The following IQGAP2 variants were observed in gnomAD, a reference collection of about 807,000 sequenced individuals.
IQGAP2 encodes the protein ras GTPase-activating-like protein IQGAP2.
In IQGAP2, 173 loss-of-function variants were observed where a neutral mutation model predicts 201.3. That is an observed-to-expected ratio of 0.86 (90% CI 0.76 to 0.98). IQGAP2 has a LOEUF of 0.98. Ranked by LOEUF, IQGAP2 falls within the 50% of genes least tolerant of loss-of-function variation. The pLI, the probability that IQGAP2 is intolerant of heterozygous loss-of-function variation, is 0.00. For missense variants in IQGAP2, 1,687 were observed against 1,864.8 expected, an observed-to-expected ratio of 0.90 and a Z score of 1.76; for synonymous variants, 675 against 673.9, an observed-to-expected ratio of 1.00 and a Z score of -0.03.
intron 28 of IQGAP2, among the ~76,000 whole-genome samples, chr5:76,678,460 T>C (rs1236293158): frequency 6.6e-6 from 1 of 152,122 alleles, no homozygotes; most frequent in African/African-American, 2.4e-5. Context: ...GGGGTTTGCA[T>C]TGTTTTCTTT....
intron 2 of IQGAP2, among the ~76,000 whole-genome samples, chr5:76,464,032 G>A (rs563968351): frequency 6.6e-6 from 1 of 152,052 alleles, no homozygotes; most frequent in Non-Finnish European, 1.5e-5. Flanking sequence ...ATTTTTAGTA[G>A]AGATGGAGTT....
intron 1 of IQGAP2, among the ~76,000 whole-genome samples, chr5:76,455,514 G>C (rs1412821503): frequency 6.6e-6 from 1 of 151,264 alleles, no homozygotes; most frequent in Admixed American, 6.6e-5. Flanking sequence ...GTAGATGTTT[G>C]TAAGTATGAA....
intron 28 of IQGAP2, among the ~76,000 whole-genome samples, chr5:76,678,227 C>G (rs1744996763): frequency 1.3e-5 from 2 of 152,126 alleles, no homozygotes; most frequent in South Asian, 2.1e-4. Context: ...TTCCATTGTT[C>G]TGGAAACCCC....
intron 2 of IQGAP2, among the ~76,000 whole-genome samples, chr5:76,545,941 A>G (rs371415721): frequency 1.1e-4 from 16 of 152,218 alleles, no homozygotes; most frequent in African/African-American, 3.6e-4. Context: ...CAGACATCTG[A>G]GTTTTTTATT....
intron 2 of IQGAP2, among the ~76,000 whole-genome samples, chr5:76,485,657 A>G (rs1316980408): frequency 1.3e-5 from 2 of 152,150 alleles, no homozygotes; most frequent in African/African-American, 4.8e-5. Flanking sequence ...CCATGTAGTC[A>G]TTGGAGAAGT....
At chr5:76,634,069 A>G (rs1019815481) in intron 15 of IQGAP2, among the ~76,000 whole-genome samples, 8 of 151,608 alleles carry the variant, frequency 5.3e-5, no homozygotes, top group Admixed American at 1.3e-4. Flanking sequence ...CTTGTATCCT[A>G]CAACCTTGCT....
intron 2 of IQGAP2, among the ~76,000 whole-genome samples, chr5:76,467,267 T>G (rs1196576140): frequency 6.6e-6 from 1 of 152,068 alleles, no homozygotes; most frequent in African/African-American, 2.4e-5. Flanking sequence ...AAAATAAAAA[T>G]AAAAGTAAAG....
intron 17 of IQGAP2, among the ~76,000 whole-genome samples, chr5:76,644,095 A>G (rs1213561279): frequency 6.6e-6 from 1 of 152,018 alleles, no homozygotes; most frequent in African/African-American, 2.4e-5. Context: ...CAGATTTCCC[A>G]GAGAGTAATA....
intron 5 of IQGAP2, 62 bp from the exon 6 acceptor site, chr5:76,588,844 A>G: frequency 1.0e-6 from 1 of 987,666 alleles, no homozygotes; most frequent in Non-Finnish European, 1.5e-6. Flanking sequence ...GAATTATGTA[A>G]TTTATAACAT....
chr5:76,408,673 A>G (rs1750928351), intron 1 of IQGAP2, among the ~76,000 whole-genome samples: 1 of 152,134 alleles, frequency 6.6e-6, no homozygotes, highest in South Asian at 2.1e-4. Flanking sequence ...AGGCAGGAGG[A>G]TCAAGATTTC....
chr5:76,628,164 C>G (rs1364968814), intron 14 of IQGAP2, among the ~76,000 whole-genome samples: 1 of 152,208 alleles, frequency 6.6e-6, no homozygotes, highest in South Asian at 2.1e-4. Context: ...ACCCCTCCCC[C>G]AAAGGGACCT....
At position 76,707,328 on chromosome 5, in the gene IQGAP2, T is replaced by C. The variant is rs1293030916; in HGVS notation, c.*15T>C. ...ATGGAAAGTGAAGTGCCTACAGAAA[T>C]TTCTTGGATTCTGTATCATCTGGAT... On this transcript the variant is annotated 3_prime_UTR_variant, in exon 36 of 36. Transcript: ENST00000274364. 8.9e-7 allele frequency: 1 copy of C among 1,123,436 alleles called. No homozygotes were observed. 69.6% of individuals were successfully genotyped at this position (1,123,436 alleles called of 1,614,324 possible).
At chr5:76,536,858 C>G (rs1403910209) in intron 2 of IQGAP2, among the ~76,000 whole-genome samples, 1 of 151,910 alleles carries the variant, frequency 6.6e-6, no homozygotes, top group East Asian at 1.9e-4. Context: ...AGAAACCGGA[C>G]AGAGCTTTGC....
intron 2 of IQGAP2, among the ~76,000 whole-genome samples, chr5:76,493,401 A>G (rs1459555518): frequency 2.0e-5 from 3 of 150,906 alleles, no homozygotes; most frequent in African/African-American, 7.3e-5. Flanking sequence ...GTGTGTCTCC[A>G]TGTCTGATTT....
At chr5:76,413,983 C>T (rs764944117) in intron 1 of IQGAP2, among the ~76,000 whole-genome samples, 2 of 152,156 alleles carry the variant, frequency 1.3e-5, no homozygotes, top group Non-Finnish European at 2.9e-5. Context: ...GCCTCACCGC[C>T]TCTACAAAGT....
intron 30 of IQGAP2, among the ~76,000 whole-genome samples, chr5:76,688,537 A>G (rs1302825438): frequency 6.6e-6 from 1 of 152,338 alleles, no homozygotes; most frequent in East Asian, 1.9e-4. Flanking sequence ...GTGCAAATGC[A>G]AAGTGTTCCA....
intron 2 of IQGAP2, among the ~76,000 whole-genome samples, chr5:76,511,354 G>A (rs1757947693): frequency 6.6e-6 from 1 of 152,124 alleles, no homozygotes; most frequent in African/African-American, 2.4e-5. Flanking sequence ...CTGTGATCAA[G>A]GACAAAAGGA....
Position 76,683,817 on chromosome 5 carries a change from A to G in IQGAP2, c.3805A>G (p.Thr1269Ala), listed in dbSNP as rs776006136. 5 of 1,613,716 alleles carry G rather than the reference A, an allele frequency of 3.1e-6. No homozygotes were observed. Among genetic ancestry groups the G allele is most frequent in the East Asian group, 4.5e-5 (2 of 44,856 alleles). ...VDPNDPNKAN[T>A]LSQLSKTEIS... ...CCCCAATGACCCTAACAAGGCAAAT[A>G]CACTAAGTCAGCTTTCAAAGACCGA... is the stretch of plus-strand genomic sequence containing the variant. The change falls in exon 30 of 36, where the codon ACA (threonine) becomes GCA (alanine). Residue 1269 changes from threonine to alanine, a missense_variant. Thr to Ala is a moderately conservative substitution (Grantham distance 58, BLOSUM62 0). Coordinates refer to ENST00000274364, the MANE Select transcript of IQGAP2 (RefSeq NM_006633.5).
At chr5:76,617,325 C>A in intron 13 of IQGAP2, 1 of 356,568 alleles carries the variant, frequency 2.8e-6, no homozygotes, top group South Asian at 4.6e-5. Context: ...GTGGTGTAAT[C>A]CCAGCTACTT....
Sources: allele counts gnomAD v4.1 joint callset (sites outside exome capture counted in the v4.1 genomes callset), GRCh38; gene constraint gnomAD v4.1.1; transcripts MANE v1.5; gene names NCBI Gene and HGNC (gene_info 2026-07-23, HGNC 2026-07-21).